The following TOP2A variants were observed in gnomAD, a reference collection of about 807,000 sequenced individuals.
TOP2A encodes the protein DNA topoisomerase II alpha, also known as DNA topoisomerase 2-alpha.
A neutral mutation model predicts 187.2 loss-of-function variants in TOP2A; 68 were observed. That is an observed-to-expected ratio of 0.36 (90% CI 0.30 to 0.44). The LOEUF is 0.44. Among genes scored for constraint, TOP2A ranks in the 20% least tolerant of loss-of-function variants. The pLI is 1.00. For missense variants in TOP2A, 1,196 were observed against 1,808.7 expected, an observed-to-expected ratio of 0.66 and a Z score of 6.14; for synonymous variants, 542 against 593.2, an observed-to-expected ratio of 0.91 and a Z score of 1.25.
intron 27 of TOP2A, 95 bp from the exon 28 acceptor site, chr17:40,396,560 T>A: frequency 6.9e-7 from 1 of 1,454,248 alleles, no homozygotes; most frequent in Non-Finnish European, 9.3e-7. Context: ...TTTTGTTACA[T>A]CTTAAAAACT....
chr17:40,411,101 G>C lies in TOP2A; in HGVS notation c.1203+8C>G. The C allele has an allele frequency of 6.3e-7, 1 of 1,596,762 alleles. No individual in the cohort carries two copies. Among genetic ancestry groups the C allele is most frequent in the East Asian group, 2.2e-5 (1 of 44,766 alleles). Reference sequence around the variant, plus strand: ...TGTTTCTATTTTTATTTTCCTCTAAGTACTCACAGCTTTGATAAATTTTTC... The same window carrying C: ...TGTTTCTATTTTTATTTTCCTCTAACTACTCACAGCTTTGATAAATTTTTC... On this transcript the variant is annotated splice_region_variant and intron_variant, in intron 10 of 34. Coordinates refer to ENST00000423485, the MANE Select transcript of TOP2A (RefSeq NM_001067.4). The surrounding 1 kb of genome is among the most constrained non-coding windows in gnomAD (Gnocchi z 4.4).
At position 40,416,845 on chromosome 17, in the gene TOP2A, A is replaced by C. The variant is rs1373020391; in HGVS notation, c.72T>G (p.Ala24=). 2 of 1,610,326 alleles carry C rather than the reference A, an allele frequency of 1.2e-6. No homozygotes were observed. Among genetic ancestry groups the C allele is most frequent in the South Asian group, 2.2e-5 (2 of 89,906 alleles). ...QVNKIKKNED[A]KKRLSVERIY... is the part of the protein sequence containing the mutation. ...TTCTTTCAACAGACAGTCTTTTCTT[A>C]GCATCTTCATTTTTCTTTATTTTGT... The change falls in exon 2 of 35, where the codon GCT becomes GCG. Residue 24 remains alanine (A), a synonymous_variant. Transcript: ENST00000423485.
chr17:40,394,436 G>C (rs1308954103), intron 29 of TOP2A, among the ~76,000 whole-genome samples: 1 of 152,176 alleles, frequency 6.6e-6, no homozygotes, highest in Non-Finnish European at 1.5e-5. Context: ...GGGTTCAAGC[G>C]ACACTCGTGC....
At chr17:40,397,134 C>T (rs542830727) in intron 27 of TOP2A, among the ~76,000 whole-genome samples, 1 of 152,062 alleles carries the variant, frequency 6.6e-6, no homozygotes, top group Non-Finnish European at 1.5e-5. Context: ...ATCCTCCTGC[C>T]TCAGCCTCCC....
chr17:40,408,273 A>T, intron 11 of TOP2A, 149 bp from the exon 12 acceptor site: 1 of 802,932 alleles, frequency 1.2e-6, no homozygotes, highest in East Asian at 2.7e-5. Flanking sequence ...CATAATATAA[A>T]CATTCTTGTT....
chr17:40,411,526 A>G lies in TOP2A; in HGVS notation c.964-71T>C, dbSNP rs1180851252. On this transcript the variant is annotated intron_variant, in intron 8 of 34. Transcript: ENST00000423485. The surrounding 1 kb of genome is among the most constrained non-coding windows in gnomAD (Gnocchi z 4.4). ...TTATAATAATCAAACATTAAAAACT[A>G]ATTTAACCTCCTTTATACTAAGCTA... The G allele has an allele frequency of 6.4e-7, 1 of 1,568,494 alleles. No homozygotes were observed. Among genetic ancestry groups the G allele is most frequent in the African/African-American group, 1.4e-5 (1 of 73,940 alleles).
chr17:40,401,211 A>T, intron 20 of TOP2A, 130 bp from the exon 21 acceptor site: 1 of 758,016 alleles, frequency 1.3e-6, no homozygotes, highest in Non-Finnish European at 2.1e-6. Flanking sequence ...ACATTTAACA[A>T]TATTTATTGA....
rs556014714 is a variant in TOP2A, at chr17:40,409,730, G to A, written c.1204-1100C>T. The A allele has an allele frequency of 3.3e-5, 7 of 209,700 alleles. No individual in the cohort carries two copies. In the South Asian group the frequency reaches 3.7e-4, roughly 11 times the overall value. 13.0% of individuals were successfully genotyped at this position (209,700 alleles called of 1,614,324 possible). A position where few individuals can be genotyped will look rare whatever the true frequency, so the allele number is the denominator to read the frequency against. Reference sequence around the variant, plus strand: ...GGGAGGCAGAGATTGCAATGAGCCAGGATTACGTCACTGCACTGTAGCCTG... The same window carrying A: ...GGGAGGCAGAGATTGCAATGAGCCAAGATTACGTCACTGCACTGTAGCCTG... On this transcript the variant is annotated intron_variant, in intron 10 of 34. Coordinates refer to ENST00000423485, the MANE Select transcript of TOP2A (RefSeq NM_001067.4).
At chr17:40,390,762 A>C (rs1389575308) in intron 33 of TOP2A, among the ~76,000 whole-genome samples, 1 of 150,228 alleles carries the variant, frequency 6.7e-6, no homozygotes, top group African/African-American at 2.5e-5. Context: ...CGAGTAGCTG[A>C]CTACAGGCAT....
chr17:40,417,525 G>A (rs1308120956), intron 1 of TOP2A: 1 of 1,417,206 alleles, frequency 7.1e-7, no homozygotes, highest in Non-Finnish European at 9.2e-7. Context: ...CGGGACCAAC[G>A]GACTCCTGCC....
At position 40,406,885 on chromosome 17, in the gene TOP2A, G is replaced by A; in HGVS notation, c.1684C>T (p.Pro562Ser). 6.2e-7 allele frequency: 1 copy of A among 1,607,714 alleles called. No individual in the cohort carries two copies. The change falls in exon 14 of 35, where the codon CCC becomes TCC. Residue 562 changes from proline to serine, a missense_variant. This residue lies in a region of TOP2A where 209 missense variants were observed against 376.9 expected (regional missense o/e 0.55). Coordinates refer to ENST00000423485, the MANE Select transcript of TOP2A (RefSeq NM_001067.4). ...LLINFIHHNW[P>S]SLLRHRFLEE... Reference sequence around the variant, plus strand: ...AGAAAACGATGTCGCAGAAGAGAGGGCCAGTTGTGATGGATAAAATTAATC... The same window carrying A: ...AGAAAACGATGTCGCAGAAGAGAGGACCAGTTGTGATGGATAAAATTAATC...
chr17:40,413,389 A>AT, intron 5 of TOP2A, 91 bp downstream of exon 5: 9 of 1,395,658 alleles, frequency 6.4e-6, no homozygotes, highest in Non-Finnish European at 7.8e-6. Flanking sequence ...ATAGAGATTT[A>AT]TTTCCATATC....
intron 24 of TOP2A, among the ~76,000 whole-genome samples, chr17:40,399,636 T>G (rs2035151571): frequency 6.6e-6 from 1 of 152,132 alleles, no homozygotes; most frequent in South Asian, 2.1e-4. Context: ...CTCTCTATTC[T>G]CCTCATGTCT....
In TOP2A at chr17:40,396,473, A is replaced by G; in HGVS notation, c.3538-8T>C. 2 of 1,604,132 alleles carry G rather than the reference A, an allele frequency of 1.2e-6. No individual in the cohort carries two copies. The highest frequency in any genetic ancestry group is 1.7e-6 in the Non-Finnish European group (2 of 1,174,484). ...TTCCTTGGCTTCAACAGCCTACAGA[A>G]GGGATATAAGAAAGCAAGTTTAAAT... On this transcript the variant is annotated splice_polypyrimidine_tract_variant and splice_region_variant and intron_variant, in intron 27 of 34. Transcript: ENST00000423485.
At chr17:40,399,364 T>A in intron 24 of TOP2A, 1 of 468,162 alleles carries the variant, frequency 2.1e-6, no homozygotes, top group Non-Finnish European at 3.8e-6. Flanking sequence ...GGAGACAGGG[T>A]CTCTCTCACT....
At position 40,417,850 on chromosome 17, in the gene TOP2A, C is replaced by T; in HGVS notation, c.-59G>A. 6.2e-7 allele frequency: 1 copy of T among 1,607,316 alleles called. No homozygotes were observed. Among genetic ancestry groups the T allele is most frequent in the Non-Finnish European group, 8.5e-7 (1 of 1,176,718 alleles). On this transcript the variant is annotated 5_prime_UTR_variant, in exon 1 of 35. In the 5' UTR this introduces an upstream ATG that the reference lacks. Coordinates refer to ENST00000423485, the MANE Select transcript of TOP2A (RefSeq NM_001067.4). ...AAGCGACTAAACAGGCAGGACCCCA[C>T]GAGACCACCCCCGACCAAGCCGCTT... is the stretch of plus-strand genomic sequence containing the variant.
intron 23 of TOP2A, 54 bp from the exon 24 acceptor site, chr17:40,400,121 A>G: frequency 6.3e-7 from 1 of 1,588,496 alleles, no homozygotes; most frequent in Non-Finnish European, 8.6e-7. Flanking sequence ...GCTAAACTTT[A>G]TAAAGGTAGA....
At position 40,406,940 on chromosome 17, in the gene TOP2A, G is replaced by A; in HGVS notation, c.1629C>T (p.Asp543=). ...YGKIMIMTDQ[D]QDGSHIKGLL... ...AGCCTTTGATGTGGGAACCATCTTG[G>A]TCCTAGAAAGATTTGAAAGCCAAAG... The change falls in exon 14 of 35, where the codon GAC becomes GAT. Residue 543 remains aspartate (D), a splice_region_variant and synonymous_variant. Transcript: ENST00000423485. The A allele has an allele frequency of 6.3e-7, 1 of 1,587,376 alleles. No individual in the cohort carries two copies. The highest frequency in any genetic ancestry group is 8.6e-7 in the Non-Finnish European group (1 of 1,165,158).
chr17:40,416,447 C>T lies in TOP2A; in HGVS notation c.243G>A (p.Leu81=), dbSNP rs371590362. The change falls in exon 3 of 35, where the codon TTG becomes TTA. Residue 81 remains leucine (L), a synonymous_variant. Transcript: ENST00000423485. ...NYREVTFVPG[L]YKIFDEILVN... is the part of the protein sequence containing the mutation. ...CTAGAATCTCATCAAAGATTTTGTA[C>T]AAACCAGGAACAAAAGTGACTTCCC... 29 of 1,598,690 alleles carry T rather than the reference C, an allele frequency of 1.8e-5. No individual in the cohort carries two copies. The highest frequency in any genetic ancestry group is 2.4e-5 in the Non-Finnish European group (28 of 1,171,468).
Sources: allele counts gnomAD v4.1 joint callset (sites outside exome capture counted in the v4.1 genomes callset), GRCh38; gene constraint gnomAD v4.1.1; regional missense constraint gnomAD v4.1.1; non-coding constraint Gnocchi (gnomAD v3.1); transcripts MANE v1.5; gene names NCBI Gene and HGNC (gene_info 2026-07-23, HGNC 2026-07-21).